TNFAIP8: variants seen among roughly 807,000 people sequenced by gnomAD.
TNFAIP8 encodes the protein TNF alpha induced protein 8.
In TNFAIP8, 7 loss-of-function variants were observed where a neutral mutation model predicts 13.3. The ratio of observed to expected loss-of-function variants is 0.52; its 90% CI spans 0.30 to 0.99. TNFAIP8 has a LOEUF of 0.99. TNFAIP8 is among the 50% of genes least tolerant of loss of function. The probability of loss-of-function intolerance (pLI) is 0.07; values close to 1 mark genes in which losing one functional copy is unlikely to be tolerated. For missense variants in TNFAIP8, 258 were observed against 236.9 expected, an observed-to-expected ratio of 1.09 and a Z score of -0.58; for synonymous variants, 94 against 87.6, an observed-to-expected ratio of 1.07 and a Z score of -0.41.
intron 1 of TNFAIP8, among the ~76,000 whole-genome samples, chr5:119,319,684 A>G (rs1205919674): frequency 6.6e-6 from 1 of 152,106 alleles, no homozygotes; most frequent in African/African-American, 2.4e-5. Flanking sequence ...ATTATGGGTT[A>G]TTTCTATGTA....
At chr5:119,386,135 T>TA (rs937332153) in intron 1 of TNFAIP8, among the ~76,000 whole-genome samples, 17 of 152,150 alleles carry the variant, frequency 1.1e-4, no homozygotes, top group African/African-American at 4.1e-4. Context: ...GCAGTCTTTT[T>TA]AAAAAAAATG....
At chr5:119,307,117 A>G (rs572025708) in intron 1 of TNFAIP8, among the ~76,000 whole-genome samples, 3 of 152,326 alleles carry the variant, frequency 2.0e-5, no homozygotes, top group South Asian at 4.1e-4. Flanking sequence ...TCCACATTAA[A>G]TACTTTGAAC....
At chr5:119,378,408 C>G (rs1351325952) in intron 1 of TNFAIP8, among the ~76,000 whole-genome samples, 1 of 152,124 alleles carries the variant, frequency 6.6e-6, no homozygotes, top group Non-Finnish European at 1.5e-5. Context: ...CCATCTTACT[C>G]TTTGTTTACC....
At chr5:119,297,856 T>C (rs551980766) in intron 1 of TNFAIP8, among the ~76,000 whole-genome samples, 4 of 152,336 alleles carry the variant, frequency 2.6e-5, no homozygotes, top group Admixed American at 2.6e-4. Context: ...TTTACCATTG[T>C]GTAATGGCCT....
chr5:119,368,457 G>GTGTGTT (rs1751954208), intron 1 of TNFAIP8, among the ~76,000 whole-genome samples: 2 of 92,686 alleles, frequency 2.2e-5, no homozygotes, highest in Admixed American at 1.9e-4. Flanking sequence ...GTGTGTGTGT[G>GTGTGTT]TGCGTGTGTG....
In TNFAIP8 at chr5:119,301,435, C is replaced by G. The variant is rs189462379; in HGVS notation, c.1+32528C>G. Among the ~76,000 whole-genome samples, 354 of 152,318 alleles carry G rather than the reference C, an allele frequency of 2.3e-3. 2 individuals are homozygous for G. Among genetic ancestry groups the G allele is most frequent in the African/African-American group, 5.8e-3 (240 of 41,570 alleles). On this transcript the variant is annotated intron_variant, in intron 1 of 1. Transcript: ENST00000274456. ...AAAAAAAATCATCTCCTATGGGAAG[C>G]CTTCTCCAGTCCTCTCTCAGCAGCA...
At chr5:119,287,167 T>A (rs912061327) in intron 1 of TNFAIP8, among the ~76,000 whole-genome samples, 1 of 152,160 alleles carries the variant, frequency 6.6e-6, no homozygotes, top group Non-Finnish European at 1.5e-5. Flanking sequence ...TAAGGTTTTG[T>A]GTAGTTCTTT....
chr5:119,308,004 G>A (rs1019617923), intron 1 of TNFAIP8, among the ~76,000 whole-genome samples: 30 of 152,150 alleles, frequency 2.0e-4, no homozygotes, highest in Non-Finnish European at 3.2e-4. Context: ...ATCACAAACA[G>A]CACCTTGAAA....
At chr5:119,290,436 C>T (rs1748944431) in intron 1 of TNFAIP8, among the ~76,000 whole-genome samples, 1 of 152,156 alleles carries the variant, frequency 6.6e-6, no homozygotes, top group Non-Finnish European at 1.5e-5. Flanking sequence ...ATCTCACTTC[C>T]TCAATATGTA....
chr5:119,292,955 T>A (rs891111014), intron 1 of TNFAIP8, among the ~76,000 whole-genome samples: 1 of 151,804 alleles, frequency 6.6e-6, no homozygotes, highest in Non-Finnish European at 1.5e-5. Context: ...CTTCTTTTTT[T>A]TAAAAAAATA....
At chr5:119,355,973 T>G, upstream of TNFAIP8, 1 of 1,494,982 alleles carries the variant, frequency 6.7e-7, no homozygotes, top group Non-Finnish European at 9.0e-7. Flanking sequence ...GGTTTTGATT[T>G]TAGTGGCTTT....
intron 1 of TNFAIP8, among the ~76,000 whole-genome samples, chr5:119,300,118 G>T (rs890088857): frequency 1.3e-5 from 2 of 152,220 alleles, no homozygotes; most frequent in Non-Finnish European, 2.9e-5. Context: ...TGCACCCACT[G>T]TCCTGTGCCC....
intron 1 of TNFAIP8, among the ~76,000 whole-genome samples, chr5:119,318,143 G>A (rs1404394363): frequency 1.3e-5 from 2 of 151,742 alleles, no homozygotes; most frequent in Non-Finnish European, 2.9e-5. Flanking sequence ...ACTGATCAAA[G>A]TAGTCACAGC....
chr5:119,373,785 T>A (rs1752176470), intron 1 of TNFAIP8, among the ~76,000 whole-genome samples: 1 of 152,200 alleles, frequency 6.6e-6, no homozygotes, highest in South Asian at 2.1e-4. Context: ...CACAAAAAAA[T>A]TAGTTCCTTT....
chr5:119,271,642 G>A (rs990010885), intron 1 of TNFAIP8, among the ~76,000 whole-genome samples: 1 of 152,212 alleles, frequency 6.6e-6, no homozygotes, highest in Non-Finnish European at 1.5e-5. Context: ...TCCAGTGCCA[G>A]GGGCATTGAC....
intron 1 of TNFAIP8, among the ~76,000 whole-genome samples, chr5:119,361,493 C>T (rs1242311186): frequency 6.6e-6 from 1 of 152,146 alleles, no homozygotes; most frequent in African/African-American, 2.4e-5. Flanking sequence ...AATGATAATA[C>T]ATTCTCCAGC....
chr5:119,373,000 C>T (rs2112817918), intron 1 of TNFAIP8, among the ~76,000 whole-genome samples: 1 of 152,276 alleles, frequency 6.6e-6, no homozygotes, highest in South Asian at 2.1e-4. Flanking sequence ...TGTTAGTTAA[C>T]ACTGCATTTA....
At chr5:119,301,171 G>A (rs958612661) in intron 1 of TNFAIP8, among the ~76,000 whole-genome samples, 3 of 152,142 alleles carry the variant, frequency 2.0e-5, no homozygotes, top group African/African-American at 7.2e-5. Flanking sequence ...ATGGCCTTAC[G>A]TTCCTACAGA....
intron 1 of TNFAIP8, among the ~76,000 whole-genome samples, chr5:119,377,761 A>AC (rs5870855): frequency 6.6e-5 from 10 of 151,948 alleles, no homozygotes. Flanking sequence ...TCACAAATCC[A>AC]AGACCCCACA....
Sources: allele counts gnomAD v4.1 joint callset (sites outside exome capture counted in the v4.1 genomes callset), GRCh38; gene constraint gnomAD v4.1.1; transcripts MANE v1.5; gene names NCBI Gene and HGNC (gene_info 2026-07-23, HGNC 2026-07-21).